Variants in AFF2 observed in about 807,000 individuals in gnomAD.
AFF2 encodes the protein AF4/FMR2 family member 2.
In AFF2, 14 loss-of-function variants were observed where a neutral mutation model predicts 76.9. The ratio of observed to expected loss-of-function variants is 0.18; its 90% confidence interval spans 0.12 to 0.28. The LOEUF (loss-of-function observed/expected upper bound fraction) is 0.28. AFF2 is among the 10% of genes least tolerant of loss of function. AFF2 has a pLI of 1.00. For synonymous variants in AFF2, 398 were observed against 366.7 expected (o/e 1.09, Z -0.98); for missense variants, 868 against 1,001.1 (o/e 0.87, Z 1.79).
At chrX:148,800,628 G>A (rs923293471) in intron 3 of AFF2, among the ~76,000 whole-genome samples, 3 of 110,940 alleles carry the variant, frequency 2.7e-5, no homozygotes, top group Non-Finnish European at 3.8e-5. Flanking sequence ...TTTTTTAAAC[G>A]GGGTTATGGA....
chrX:148,878,673 G>C (rs1557278149), intron 7 of AFF2, among the ~76,000 whole-genome samples: 1 of 111,790 alleles, frequency 8.9e-6, no homozygotes, highest in African/African-American at 3.3e-5. Flanking sequence ...TTTTTTTAAA[G>C]ATAAAAGATT....
chrX:148,604,411 G>A (rs1004603830), intron 1 of AFF2, among the ~76,000 whole-genome samples: 4 of 111,688 alleles, frequency 3.6e-5, no homozygotes, highest in African/African-American at 1.3e-4. Context: ...TATTTTTTAA[G>A]AGACAGGGTC....
At chrX:148,571,012 T>G (rs982314177) in intron 1 of AFF2, among the ~76,000 whole-genome samples, 2 of 111,817 alleles carry the variant, frequency 1.8e-5, no homozygotes, top group Non-Finnish European at 3.8e-5. Flanking sequence ...ATTTCCAAAT[T>G]AGGTTACATT....
chrX:148,748,484 C>T (rs2055453629), intron 3 of AFF2, among the ~76,000 whole-genome samples: 1 of 111,818 alleles, frequency 8.9e-6, no homozygotes, highest in African/African-American at 3.3e-5. Flanking sequence ...TAAATACTCC[C>T]GAAGAGCAAA....
intron 1 of AFF2, among the ~76,000 whole-genome samples, chrX:148,603,446 C>T (rs1227781979): frequency 3.6e-5 from 2 of 56,289 alleles, no homozygotes; most frequent in Non-Finnish European, 6.6e-5. Flanking sequence ...CACTTTCTTT[C>T]ATTAGGTGGT....
intron 3 of AFF2, among the ~76,000 whole-genome samples, chrX:148,753,546 A>G (rs1557266655): frequency 8.9e-6 from 1 of 111,985 alleles, no homozygotes; most frequent in African/African-American, 3.2e-5. Context: ...CATTAAATCC[A>G]TTCTGACACA....
At chrX:148,781,654 C>T (rs1430734814) in intron 3 of AFF2, among the ~76,000 whole-genome samples, 1 of 112,034 alleles carries the variant, frequency 8.9e-6, no homozygotes, top group Non-Finnish European at 1.9e-5. Flanking sequence ...GTGGGATCCA[C>T]TGAGCAAGAC....
At chrX:148,853,106 C>G (rs1434308659) in intron 7 of AFF2, among the ~76,000 whole-genome samples, 3 of 111,587 alleles carry the variant, frequency 2.7e-5, no homozygotes, top group African/African-American at 9.8e-5. Flanking sequence ...GTTTGCCTCA[C>G]CCACATAAAG....
At chrX:148,781,073 C>T (rs2069737041) in intron 3 of AFF2, among the ~76,000 whole-genome samples, 1 of 111,990 alleles carries the variant, frequency 8.9e-6, no homozygotes, top group South Asian at 3.7e-4. Flanking sequence ...GTATCACCAG[C>T]GGAGGCTTCA....
chrX:148,547,774 G>T (rs7056391), intron 1 of AFF2, among the ~76,000 whole-genome samples: 31,430 of 110,952 alleles, frequency 0.28, 3,356 homozygotes, highest in African/African-American at 0.31. Context: ...CAATTCAGAA[G>T]CTCTAAAGAG....
chrX:148,991,557 G>C lies in AFF2; in HGVS notation c.*225G>C. ...AGTCATTTTTTTTCTTTTAGCATTTGATATGCATTTCTCAGATTCCACCAT... is the reference window on the plus strand; with the variant it reads ...AGTCATTTTTTTTCTTTTAGCATTTCATATGCATTTCTCAGATTCCACCAT... On this transcript the variant is annotated 3_prime_UTR_variant, in exon 21 of 21. Coordinates refer to ENST00000370460, the MANE Select transcript of AFF2 (RefSeq NM_002025.4). The C allele has an allele frequency of 3.6e-6, 1 of 281,576 alleles. No homozygotes were observed. 23.2% of individuals were successfully genotyped at this position (281,576 alleles called of 1,213,427 possible).
chrX:148,809,478 C>T (rs1396154209), intron 3 of AFF2, among the ~76,000 whole-genome samples: 3 of 112,123 alleles, frequency 2.7e-5, no homozygotes, highest in African/African-American at 9.7e-5. Flanking sequence ...TCAAAAAGAA[C>T]TCAATTTAAT....
intron 7 of AFF2, among the ~76,000 whole-genome samples, chrX:148,848,162 T>G (rs1557274933): frequency 3.6e-5 from 4 of 110,659 alleles, no homozygotes; most frequent in Non-Finnish European, 7.6e-5. Context: ...GACACAACAT[T>G]CCCACAACCT....
At chrX:148,713,358 A>G (rs1374104089) in intron 3 of AFF2, among the ~76,000 whole-genome samples, 1 of 111,407 alleles carries the variant, frequency 9.0e-6, no homozygotes, top group African/African-American at 3.3e-5. Flanking sequence ...TGGTGGTTAT[A>G]GAAATGCATC....
chrX:148,571,508 A>T (rs1460519915), intron 1 of AFF2, among the ~76,000 whole-genome samples: 15 of 111,568 alleles, frequency 1.3e-4, no homozygotes, highest in African/African-American at 4.9e-4. Context: ...GGGAAAACAG[A>T]TGGAAAAGCT....
chrX:148,756,941 C>A (rs1364984426), intron 3 of AFF2, among the ~76,000 whole-genome samples: 1 of 112,144 alleles, frequency 8.9e-6, no homozygotes, highest in Admixed American at 9.5e-5. Context: ...CAGAGAACAA[C>A]AACATAACAT....
At chrX:148,603,753 G>A (rs1373393123) in intron 1 of AFF2, among the ~76,000 whole-genome samples, 1 of 107,782 alleles carries the variant, frequency 9.3e-6, no homozygotes, top group Non-Finnish European at 1.9e-5. Flanking sequence ...TTTTTTCCAG[G>A]GACCCCAATA....
chrX:148,770,099 A>G (rs1240440987), intron 3 of AFF2, among the ~76,000 whole-genome samples: 5 of 111,439 alleles, frequency 4.5e-5, no homozygotes. Context: ...GTGATGGGGG[A>G]AAAACTGCAA....
At chrX:148,869,773 C>T (rs1342490388) in intron 7 of AFF2, among the ~76,000 whole-genome samples, 1 of 111,843 alleles carries the variant, frequency 8.9e-6, no homozygotes, top group Non-Finnish European at 1.9e-5. Context: ...GAGTTGGTTC[C>T]TTCTTAGGAT....
Sources: allele counts gnomAD v4.1 joint callset (sites outside exome capture counted in the v4.1 genomes callset), GRCh38; gene constraint gnomAD v4.1.1; transcripts MANE v1.5; gene names NCBI Gene and HGNC (gene_info 2026-07-23, HGNC 2026-07-21).